Variants in SEC14L1 observed in about 807,000 individuals in gnomAD.
SEC14L1 encodes the protein SEC14-like protein 1.
A neutral mutation model predicts 85.3 loss-of-function variants in SEC14L1; 48 were observed. The observed-to-expected ratio is 0.56, with a 90% CI of 0.45 to 0.72. The LOEUF (loss-of-function observed/expected upper bound fraction) is 0.72. SEC14L1 is among the 30% of genes least tolerant of loss of function. SEC14L1 has a pLI of 0.00. For synonymous variants in SEC14L1, 391 were observed against 355.5 expected, an observed-to-expected ratio of 1.10 and a Z score of -1.12; for missense variants, 682 against 921.4, an observed-to-expected ratio of 0.74 and a Z score of 3.36.
At chr17:77,209,519 G>A (rs373682797) in intron 14 of SEC14L1, 43 bp downstream of exon 14, 22 of 1,603,040 alleles carry the variant, frequency 1.4e-5, no homozygotes, top group South Asian at 6.7e-5. Context: ...CCCTTCCTCC[G>A]CAGAGGGCCT....
intron 10 of SEC14L1, 110 bp from the exon 11 acceptor site, chr17:77,205,166 A>G: frequency 1.1e-6 from 1 of 902,460 alleles, no homozygotes; most frequent in Non-Finnish European, 1.8e-6. Context: ...GACTTTTTTG[A>G]TTTACATGCT....
rs188829482 is a variant in SEC14L1 at position 77,130,524 on chromosome 17, T to C, written c.-135-12122T>C. ...GTAGTGACGGGGTTTCACTTCACCA[T>C]GTTGGCCAAGCTGTTCTCGAACTCC... On this transcript the variant is annotated intron_variant, in intron 3 of 19. Coordinates refer to the SEC14L1 transcript ENST00000392476. Among the ~76,000 whole-genome samples the C allele has an allele frequency of 1.9e-3, 285 of 152,258 alleles. 2 individuals carry two copies. Among genetic ancestry groups the C allele is most frequent in the Non-Finnish European group, 2.6e-4 (18 of 68,012 alleles).
At position 77,215,371 on chromosome 17, in the gene SEC14L1, A is replaced by G. The variant is rs1976986288; in HGVS notation, c.*1348A>G. On this transcript the variant is annotated 3_prime_UTR_variant, in exon 17 of 17. Transcript: ENST00000436233. The stretch of plus-strand genomic sequence containing the variant: ...CAACACGTGTTTCTGTGTGCAGCAG[A>G]GGCCGTGTTTTTCATGCCAAACCCC... 1 of 985,390 alleles carries G rather than the reference A, an allele frequency of 1.0e-6. No individual in the cohort carries two copies. Among genetic ancestry groups the G allele is most frequent in the African/African-American group, 1.7e-5 (1 of 57,294 alleles). The allele number at this position is 985,390 out of a possible 1,614,324, so 61.0% of individuals were successfully genotyped here.
chr17:77,107,600 A>C (rs984102576), intron 3 of SEC14L1, among the ~76,000 whole-genome samples: 1 of 147,854 alleles, frequency 6.8e-6, no homozygotes, highest in African/African-American at 2.6e-5. Flanking sequence ...GAGTCCGTAG[A>C]CCAGGTCAGA....
chr17:77,178,278 A>G (rs971417535), intron 3 of SEC14L1, among the ~76,000 whole-genome samples: 3 of 152,094 alleles, frequency 2.0e-5, no homozygotes, highest in African/African-American at 7.2e-5. Context: ...GCCTTCCAGA[A>G]TAGAGTCAAA....
chr17:77,142,277 A>G (rs1973089799), intron 1 of SEC14L1, among the ~76,000 whole-genome samples: 1 of 152,146 alleles, frequency 6.6e-6, no homozygotes, highest in African/African-American at 2.4e-5. Flanking sequence ...CCTTAGTACT[A>G]TAGATGGGAA....
intron 2 of SEC14L1, among the ~76,000 whole-genome samples, chr17:77,090,300 A>G (rs1222412744): frequency 1.3e-5 from 2 of 151,808 alleles, no homozygotes; most frequent in Non-Finnish European, 2.9e-5. Context: ...TCAAAAAAAA[A>G]AAAAAGGGCA....
At position 77,214,276 on chromosome 17, in the gene SEC14L1, G is replaced by T. The variant is rs1407250328; in HGVS notation, c.*253G>T. 7.8e-7 allele frequency: 1 copy of T among 1,281,552 alleles called. No homozygotes were observed. Among genetic ancestry groups the T allele is most frequent in the Non-Finnish European group, 9.9e-7 (1 of 1,013,174 alleles). 79.4% of individuals were successfully genotyped at this position (1,281,552 alleles called of 1,614,324 possible). ...CACAAAATCCAACCAGAGCGCAAGG[G>T]CTCTCTTGAAAGAAAAGTAGTTTCT... On this transcript the variant is annotated 3_prime_UTR_variant, in exon 17 of 17. Transcript: ENST00000436233.
upstream of SEC14L1, among the ~76,000 whole-genome samples, chr17:77,136,291 T>C (rs1187704749): frequency 1.3e-5 from 2 of 151,554 alleles, no homozygotes; most frequent in Admixed American, 6.6e-5. Flanking sequence ...CTTCCTTTCT[T>C]TCTCTCATCC....
chr17:77,172,295 T>C (rs1317460056), intron 3 of SEC14L1, among the ~76,000 whole-genome samples: 3 of 152,226 alleles, frequency 2.0e-5, no homozygotes, highest in Non-Finnish European at 2.9e-5. Context: ...TCCAAGGTCA[T>C]GAGTAGAATG....
At chr17:77,202,788 C>T (rs979020398) in intron 9 of SEC14L1, among the ~76,000 whole-genome samples, 1 of 151,860 alleles carries the variant, frequency 6.6e-6, no homozygotes, top group Non-Finnish European at 1.5e-5. Context: ...GGCATGGCAG[C>T]GTGCGCCTGT....
chr17:77,111,620 G>A (rs1322080070), intron 3 of SEC14L1, among the ~76,000 whole-genome samples: 1 of 152,162 alleles, frequency 6.6e-6, no homozygotes, highest in Non-Finnish European at 1.5e-5. Context: ...GGATCATTTG[G>A]AACTTTAAGG....
At chr17:77,100,782 G>T (rs1971760802) in intron 3 of SEC14L1, among the ~76,000 whole-genome samples, 1 of 151,974 alleles carries the variant, frequency 6.6e-6, no homozygotes, top group South Asian at 2.1e-4. Context: ...ACACTTCCTG[G>T]TGGCCTCTCA....
At chr17:77,104,660 A>C (rs759648687) in intron 3 of SEC14L1, among the ~76,000 whole-genome samples, 1 of 150,838 alleles carries the variant, frequency 6.6e-6, no homozygotes, top group Non-Finnish European at 1.5e-5. Context: ...GCCTGGTGGC[A>C]GGCACCTGGA....
rs1406047269 is a variant in SEC14L1 at position 77,209,336 on chromosome 17, T to C, written c.1477-6T>C. 6 of 1,613,956 alleles carry C rather than the reference T, an allele frequency of 3.7e-6. No homozygotes were observed. In the East Asian group the frequency reaches 1.1e-4, roughly 30 times the overall value. ...ACAGGTTTCACTGCTGTGTTTCTTC[T>C]TCCAGTGCGAAGTGCCAGAGGGTGG... is the stretch of plus-strand genomic sequence containing the variant. On this transcript the variant is annotated splice_region_variant and splice_polypyrimidine_tract_variant and intron_variant, in intron 13 of 16. Transcript: ENST00000436233.
chr17:77,123,496 C>G (rs1192918754), intron 3 of SEC14L1, among the ~76,000 whole-genome samples: 2 of 149,026 alleles, frequency 1.3e-5, no homozygotes, highest in East Asian at 3.9e-4. Context: ...GCTGCAACCT[C>G]CGCCTTCTGG....
intron 2 of SEC14L1, among the ~76,000 whole-genome samples, chr17:77,091,540 G>A (rs931153241): frequency 6.6e-6 from 1 of 152,210 alleles, no homozygotes; most frequent in East Asian, 1.9e-4. Flanking sequence ...CAGAGCAGCC[G>A]CAAGCCACAT....
chr17:77,133,929 A>C, intron 3 of SEC14L1, among the ~76,000 whole-genome samples: 1 of 105,956 alleles, frequency 9.4e-6, no homozygotes, highest in Non-Finnish European at 1.9e-5. Flanking sequence ...ACAGAGTGAG[A>C]CTCCATCTCA....
intron 3 of SEC14L1, among the ~76,000 whole-genome samples, chr17:77,118,323 C>T (rs1972223622): frequency 6.6e-6 from 1 of 152,262 alleles, no homozygotes; most frequent in Non-Finnish European, 1.5e-5. Flanking sequence ...CTGAGTTTAT[C>T]TCCCAGTCAG....
Sources: gnomAD v4.1 joint callset for allele counts (sites outside exome capture counted in the v4.1 genomes callset) on GRCh38, gnomAD v4.1.1 for gene constraint, MANE v1.5 for transcripts, NCBI Gene and HGNC (gene_info 2026-07-23, HGNC 2026-07-21) for gene names.